The following CASD1 variants were observed in gnomAD, a reference collection of about 807,000 sequenced individuals.
The protein encoded by CASD1 is CAS1 domain sialic acid O acetyltransferase 1, also known as N-acetylneuraminate (7)9-O-acetyltransferase.
In CASD1, 41 loss-of-function variants were observed where a neutral mutation model predicts 100.0. The ratio of observed to expected loss-of-function variants is 0.41; its 90% CI spans 0.32 to 0.53. The LOEUF is 0.53. Among genes scored for constraint, CASD1 ranks in the 20% least tolerant of loss-of-function variants. The pLI is 0.25. For synonymous variants in CASD1, 321 were observed against 315.6 expected (o/e 1.02, Z -0.18); for missense variants, 774 against 948.7 (o/e 0.82, Z 2.42).
intron 3 of CASD1, among the ~76,000 whole-genome samples, chr7:94,520,445 G>C (rs2116217143): frequency 6.6e-6 from 1 of 152,266 alleles, no homozygotes; most frequent in Middle Eastern, 3.4e-3. Flanking sequence ...ATTATGCTTT[G>C]TGGGAGACTA....
chr7:94,625,991 T>C, the CASD1 span: 1 of 152,104 alleles, frequency 6.6e-6, no homozygotes, highest in Non-Finnish European at 1.5e-5. Flanking sequence ...AAAGTAGTGA[T>C]GCCAACTCCC....
Position 94,510,575 on chromosome 7 carries a change from C to CA in CASD1, c.133+359dup, listed in dbSNP as rs1793648923. Among the ~76,000 whole-genome samples the CA allele has an allele frequency of 3.9e-5, 6 of 152,312 alleles. No individual in the cohort carries two copies. In the South Asian group the frequency reaches 1.2e-3, roughly 32 times the overall value. ...AGGGGCTCGCGTGCAGGAAGTCGGACAGGCGGTCCTTGGGGGCAGCCCGGG... is the reference window on the plus strand; with the variant it reads ...AGGGGCTCGCGTGCAGGAAGTCGGACAAGGCGGTCCTTGGGGGCAGCCCGGG... On this transcript the variant is annotated intron_variant, in intron 1 of 17. Transcript: ENST00000297273.
chr7:94,609,534 AAAC>A, the CASD1 span, among the ~76,000 whole-genome samples: 4 of 152,194 alleles, frequency 2.6e-5, no homozygotes, highest in Admixed American at 6.5e-5. Flanking sequence ...TCTGTCTAAA[AAAC>A]AACAACAACA....
At chr7:94,584,210 G>T in the CASD1 span, among the ~76,000 whole-genome samples, 1 of 152,098 alleles carries the variant, frequency 6.6e-6, no homozygotes, top group Non-Finnish European at 1.5e-5. Flanking sequence ...CTTTATTCCT[G>T]CTCACTTGGA....
chr7:94,590,111 C>A, the CASD1 span: 1 of 152,170 alleles, frequency 6.6e-6, no homozygotes, highest in Admixed American at 6.5e-5. Context: ...TGGAGTGCCC[C>A]ATGTCTGCTT....
intron 10 of CASD1, among the ~76,000 whole-genome samples, chr7:94,542,481 A>T (rs941973802): frequency 1.3e-5 from 2 of 152,228 alleles, no homozygotes. Flanking sequence ...GTTAAATAAA[A>T]TATATTTATT....
chr7:94,567,837 C>A, the CASD1 span, among the ~76,000 whole-genome samples: 1 of 152,190 alleles, frequency 6.6e-6, no homozygotes, highest in Non-Finnish European at 1.5e-5. Context: ...CCCATGACTA[C>A]TACTCCCCAA....
Position 94,547,109 on chromosome 7 carries a change from G to T in CASD1, c.1647G>T (p.Trp549Cys). The change falls in exon 13 of 18, where the codon TGG becomes TGT. Residue 549 changes from tryptophan to cysteine, a missense_variant. Trp to Cys is a radical substitution (Grantham distance 215). Transcript: ENST00000297273. ...TTTCTCTCTTAGGAAATTGTTTCTG[G>T]CATTTTGGCTTACTGTTGAAACTAG... ...IQKKANGNCF[W>C]HFGLLLKLGF... 6.3e-7 allele frequency: 1 copy of T among 1,586,640 alleles called. No individual in the cohort carries two copies.
At chr7:94,601,647 AT>A in the CASD1 span, among the ~76,000 whole-genome samples, 162 of 152,224 alleles carry the variant, frequency 1.1e-3, 1 homozygote, top group African/African-American at 3.6e-3. Context: ...TAGTTGCAGC[AT>A]TATTCAGTAT....
the CASD1 span, among the ~76,000 whole-genome samples, chr7:94,633,547 T>A: frequency 2.0e-5 from 3 of 152,082 alleles, no homozygotes; most frequent in Non-Finnish European, 4.4e-5. Flanking sequence ...GTATAGAATC[T>A]GCAGCCATTT....
At chr7:94,522,844 G>A (rs1794357920) in intron 3 of CASD1, among the ~76,000 whole-genome samples, 1 of 152,008 alleles carries the variant, frequency 6.6e-6, no homozygotes. Flanking sequence ...TGTATTTTTA[G>A]TAGAGACAGG....
the CASD1 span, chr7:94,600,441 A>C: frequency 1.9e-6 from 1 of 539,986 alleles, no homozygotes; most frequent in Non-Finnish European, 3.3e-6. Context: ...TTTTTGAATA[A>C]AGTAATTATA....
chr7:94,523,203 A>G (rs1052006051), intron 3 of CASD1, among the ~76,000 whole-genome samples: 4 of 152,206 alleles, frequency 2.6e-5, no homozygotes, highest in African/African-American at 4.8e-5. Context: ...GATTCTAGCC[A>G]TAAAAGGTAA....
the CASD1 span, chr7:94,623,326 T>G: frequency 6.4e-7 from 1 of 1,571,298 alleles, no homozygotes; most frequent in Non-Finnish European, 8.7e-7. Flanking sequence ...CATACCTACC[T>G]TCTGCAGACA....
chr7:94,577,937 G>C, the CASD1 span, among the ~76,000 whole-genome samples: 1 of 152,124 alleles, frequency 6.6e-6, no homozygotes, highest in Non-Finnish European at 1.5e-5. Flanking sequence ...TGTCTCTTTT[G>C]GGAGCTACCA....
Position 94,554,080 on chromosome 7 carries a change from G to C in CASD1, c.2035-403G>C, listed in dbSNP as rs1311263252. 4.5e-5 allele frequency: 7 copies of C among 154,618 alleles called. No homozygotes were observed. In the East Asian group the frequency reaches 1.3e-3, roughly 29 times the overall value. 9.6% of individuals were successfully genotyped at this position (154,618 alleles called of 1,614,324 possible). On this transcript the variant is annotated intron_variant, in intron 16 of 17. Coordinates refer to ENST00000297273, the MANE Select transcript of CASD1 (RefSeq NM_022900.5). ...GTCAGCGGAAGGAGGATTTTGAAGG[G>C]AGTCAAGAGAGGGAATGACTGTCAA...
chr7:94,569,932 G>A, the CASD1 span, among the ~76,000 whole-genome samples: 1,067 of 151,736 alleles, frequency 7.0e-3, 8 homozygotes, highest in Middle Eastern at 0.014. Flanking sequence ...TCTTGCCTCA[G>A]CCTCCCAAGT....
chr7:94,510,098 C>A lies in CASD1; in HGVS notation c.14C>A (p.Ala5Asp). MAALAYNLGKREINH... is the reference protein window; with the variant it reads MAALDYNLGKREINH... ...GGAGGAACCAAGATGGCGGCTCTGG[C>A]CTACAACCTGGGCAAGCGGGAGATC... is the stretch of plus-strand genomic sequence containing the variant. The change falls in exon 1 of 18, where the codon GCC becomes GAC. Residue 5 changes from alanine (A) to aspartate (D), a missense_variant. Physicochemically the swap from Ala to Asp is moderately radical, Grantham distance 126. Coordinates refer to ENST00000297273, the MANE Select transcript of CASD1 (RefSeq NM_022900.5). The A allele has an allele frequency of 6.5e-7, 1 of 1,527,462 alleles. No homozygotes were observed. 94.6% of individuals were successfully genotyped at this position (1,527,462 alleles called of 1,614,324 possible).
At chr7:94,519,534 A>G (rs571481286) in intron 3 of CASD1, among the ~76,000 whole-genome samples, 8 of 152,192 alleles carry the variant, frequency 5.3e-5, no homozygotes, top group East Asian at 1.9e-4. Context: ...GATACAGTCA[A>G]CTTTTCATTT....
Sources: allele counts gnomAD v4.1 joint callset (sites outside exome capture counted in the v4.1 genomes callset), GRCh38; gene constraint gnomAD v4.1.1; transcripts MANE v1.5; gene names NCBI Gene and HGNC (gene_info 2026-07-23, HGNC 2026-07-21).